SORCS1: variants seen among roughly 807,000 people sequenced by gnomAD.
The protein encoded by SORCS1 is VPS10 domain-containing receptor SorCS1.
A neutral mutation model predicts 146.1 loss-of-function variants in SORCS1; 60 were observed. The observed-to-expected ratio is 0.41, with a 90% CI of 0.33 to 0.51. The LOEUF is 0.51. Ranked by LOEUF, SORCS1 falls within the 20% of genes least tolerant of loss-of-function variation. The pLI, the probability that SORCS1 is intolerant of heterozygous loss-of-function variation, is 0.21. For missense variants in SORCS1, 1,352 were observed against 1,487.6 expected, an observed-to-expected ratio of 0.91 and a Z score of 1.50; for synonymous variants, 637 against 584.0, an observed-to-expected ratio of 1.09 and a Z score of -1.31.
chr10:107,087,618 T>C (rs1370161422), intron 1 of SORCS1, among the ~76,000 whole-genome samples: 2 of 152,208 alleles, frequency 1.3e-5, no homozygotes, highest in Non-Finnish European at 2.9e-5. Context: ...ATGCTCAATA[T>C]ACAGCAATAG....
chr10:106,812,242 C>T (rs11193058), intron 3 of SORCS1, among the ~76,000 whole-genome samples: 6,951 of 152,146 alleles, frequency 0.046, 253 homozygotes, highest in African/African-American at 0.1. Flanking sequence ...CCTCATGATC[C>T]GCCCGCCTCG....
At chr10:106,658,675 C>G (rs752280924) in intron 17 of SORCS1, among the ~76,000 whole-genome samples, 1 of 152,118 alleles carries the variant, frequency 6.6e-6, no homozygotes, top group East Asian at 1.9e-4. Flanking sequence ...AAATCCACCA[C>G]CTTAGTAATG....
chr10:106,923,942 A>G (rs1276067048), intron 2 of SORCS1, among the ~76,000 whole-genome samples: 1 of 152,152 alleles, frequency 6.6e-6, no homozygotes, highest in Non-Finnish European at 1.5e-5. Flanking sequence ...CTGTCTTCTC[A>G]TTCTTTTGAT....
chr10:106,944,680 A>C (rs764012257), intron 2 of SORCS1, among the ~76,000 whole-genome samples: 1 of 152,108 alleles, frequency 6.6e-6, no homozygotes, highest in Admixed American at 6.6e-5. Context: ...ATTTCACCTG[A>C]ATACCTTTGT....
intron 2 of SORCS1, among the ~76,000 whole-genome samples, chr10:106,913,666 A>C (rs1200987362): frequency 6.6e-6 from 1 of 152,254 alleles, no homozygotes; most frequent in African/African-American, 2.4e-5. Flanking sequence ...TGAGCTTTTC[A>C]GTAGAACTTT....
intron 2 of SORCS1, among the ~76,000 whole-genome samples, chr10:106,881,986 C>T (rs1204006899): frequency 6.6e-6 from 1 of 152,062 alleles, no homozygotes; most frequent in Non-Finnish European, 1.5e-5. Flanking sequence ...AAGTTACTAC[C>T]TCTTTCAGAT....
chr10:106,979,479 A>G (rs190003202), intron 1 of SORCS1, among the ~76,000 whole-genome samples: 336 of 152,304 alleles, frequency 2.2e-3, no homozygotes, highest in African/African-American at 7.5e-3. Context: ...ACAAATTATT[A>G]GCCCTCAGTA....
At chr10:107,115,704 T>C (rs938214335) in intron 1 of SORCS1, among the ~76,000 whole-genome samples, 2 of 152,030 alleles carry the variant, frequency 1.3e-5, no homozygotes, top group African/African-American at 4.8e-5. Context: ...ATTTTTTGGA[T>C]ATGACAACAA....
chr10:107,045,074 GA>G (rs1227713095), intron 1 of SORCS1, among the ~76,000 whole-genome samples: 1 of 152,120 alleles, frequency 6.6e-6, no homozygotes, highest in Non-Finnish European at 1.5e-5. Flanking sequence ...ATCAGGCCTT[GA>G]GAGACCAGGA....
In SORCS1 at chr10:106,657,661, ATGTGTG is replaced by A. The variant is rs10561308; in HGVS notation, c.2304-5114_2304-5109del. On this transcript the variant is annotated intron_variant, in intron 17 of 25. Transcript: ENST00000263054. Reference sequence around the variant, plus strand: ...ATATCTCAAAAATATATAACACTATATGTGTGTGTGTGTGTGTGTGTGTGTGTGTAT... The same window carrying A: ...ATATCTCAAAAATATATAACACTATATGTGTGTGTGTGTGTGTGTGTGTAT... 2.8e-3 allele frequency among the ~76,000 whole-genome samples: 414 copies of A among 145,314 alleles called. 1 individual carries two copies. The highest frequency in any genetic ancestry group is 3.6e-3 in the African/African-American group (144 of 39,724).
chr10:107,013,841 A>T (rs1363566614), intron 1 of SORCS1, among the ~76,000 whole-genome samples: 1 of 152,162 alleles, frequency 6.6e-6, no homozygotes, highest in Non-Finnish European at 1.5e-5. Context: ...CATGGTTTAA[A>T]AGGTCTGTAA....
intron 2 of SORCS1, among the ~76,000 whole-genome samples, chr10:106,850,509 C>T (rs982581009): frequency 8.5e-5 from 13 of 152,240 alleles, no homozygotes; most frequent in African/African-American, 1.9e-4. Context: ...GAGATGAACC[C>T]GGTACCTCAG....
At chr10:106,715,619 G>T (rs11818607) in intron 6 of SORCS1, among the ~76,000 whole-genome samples, 50 of 152,278 alleles carry the variant, frequency 3.3e-4, no homozygotes, top group African/African-American at 1.2e-3. Flanking sequence ...TGAGTCTAGC[G>T]CCAGATTAGA....
intron 6 of SORCS1, among the ~76,000 whole-genome samples, chr10:106,729,223 G>A (rs1856421224): frequency 6.6e-6 from 1 of 152,198 alleles, no homozygotes; most frequent in South Asian, 2.1e-4. Context: ...TATTAGCTTA[G>A]CTATATTATT....
At chr10:106,801,887 G>C (rs1409041560) in intron 3 of SORCS1, among the ~76,000 whole-genome samples, 1 of 152,154 alleles carries the variant, frequency 6.6e-6, no homozygotes, top group Non-Finnish European at 1.5e-5. Flanking sequence ...TTCATGACTA[G>C]TCCAAGACCA....
At chr10:106,918,056 A>C (rs2138353458) in intron 2 of SORCS1, among the ~76,000 whole-genome samples, 1 of 152,238 alleles carries the variant, frequency 6.6e-6, no homozygotes, top group South Asian at 2.1e-4. Context: ...TTGTAACTTA[A>C]AAAAAAATCT....
intron 19 of SORCS1, among the ~76,000 whole-genome samples, chr10:106,621,781 C>T (rs1480597809): frequency 3.3e-5 from 5 of 152,056 alleles, no homozygotes; most frequent in African/African-American, 7.2e-5. Context: ...AGGAAACTGA[C>T]GATTTGGTTT....
intron 3 of SORCS1, among the ~76,000 whole-genome samples, 177 bp from the exon 4 acceptor site, chr10:106,776,869 G>C (rs546066191): frequency 1.3e-4 from 20 of 152,316 alleles, no homozygotes; most frequent in African/African-American, 4.8e-4. Flanking sequence ...CAATGCTACA[G>C]AAATATTTCT....
chr10:106,578,969 C>T (rs1844729278), intron 25 of SORCS1: 4 of 1,447,200 alleles, frequency 2.8e-6, no homozygotes, highest in South Asian at 1.5e-5. Context: ...GCCATCTTAG[C>T]TGTTTCTCTC....
Sources: gnomAD v4.1 joint callset for allele counts (sites outside exome capture counted in the v4.1 genomes callset) on GRCh38, gnomAD v4.1.1 for gene constraint, MANE v1.5 for transcripts, NCBI Gene and HGNC (gene_info 2026-07-23, HGNC 2026-07-21) for gene names.